Variants in RBPJ observed in about 807,000 individuals in gnomAD.
The protein encoded by RBPJ is recombining binding protein suppressor of hairless.
Under a neutral mutation model 67.8 loss-of-function variants are expected in RBPJ, and 9 were observed. That is an observed-to-expected ratio of 0.13 (90% confidence interval 0.08 to 0.23). RBPJ has a LOEUF of 0.23. Among genes scored for constraint, RBPJ ranks in the 10% least tolerant of loss-of-function variants. The pLI, the probability that RBPJ is intolerant of heterozygous loss-of-function variation, is 1.00. For synonymous variants in RBPJ, 198 were observed against 203.3 expected, an observed-to-expected ratio of 0.97 and a Z score of 0.22; for missense variants, 305 against 595.6, an observed-to-expected ratio of 0.51 and a Z score of 5.08.
At chr4:26,159,635 C>T (rs1716040789), upstream of RBPJ, among the ~76,000 whole-genome samples, 1 of 152,186 alleles carries the variant, frequency 6.6e-6, no homozygotes, top group Non-Finnish European at 1.5e-5. Flanking sequence ...GAACCTTCAG[C>T]GTGTTTATAG....
intron 1 of RBPJ, among the ~76,000 whole-genome samples, chr4:26,184,322 A>G (rs921474434): frequency 6.6e-6 from 1 of 152,044 alleles, no homozygotes; most frequent in African/African-American, 2.4e-5. Context: ...TACTGGGGAG[A>G]GAGACTGGAC....
chr4:26,375,545 T>C (rs1159736620), intron 1 of RBPJ, among the ~76,000 whole-genome samples: 1 of 152,198 alleles, frequency 6.6e-6, no homozygotes, highest in Non-Finnish European at 1.5e-5. Context: ...ATTACCATTC[T>C]CCCTCATTCC....
rs577200387 is a variant in RBPJ at position 26,263,925 on chromosome 4, A to C, written c.-166-98521A>C. Among the ~76,000 whole-genome samples, 27 of 148,412 alleles carry C rather than the reference A, an allele frequency of 1.8e-4. No homozygotes were observed. In the East Asian group the frequency reaches 3.1e-3, roughly 17 times the overall value. On this transcript the variant is annotated intron_variant, in intron 1 of 4. Transcript: ENST00000512351. Reference sequence around the variant, plus strand: ...AGTCTCGCTCTGTCCCCCAGGTTGGAGTGCAGCCGTGCGATCTCGGCTCAC... The same window carrying C: ...AGTCTCGCTCTGTCCCCCAGGTTGGCGTGCAGCCGTGCGATCTCGGCTCAC...
At chr4:26,109,460 C>CTCTCTATATA in the RBPJ span, among the ~76,000 whole-genome samples, 3 of 14,704 alleles carry the variant, frequency 2.0e-4, no homozygotes, top group Non-Finnish European at 1.2e-4. Flanking sequence ...CTCTCTCTCT[C>CTCTCTATATA]TATATATATA....
intron 1 of RBPJ, among the ~76,000 whole-genome samples, chr4:26,334,802 C>T (rs1363879714): frequency 6.6e-6 from 1 of 152,104 alleles, no homozygotes; most frequent in Non-Finnish European, 1.5e-5. Flanking sequence ...TATGTTATGT[C>T]TTTATTCTTG....
chr4:26,106,277 G>T, the RBPJ span, among the ~76,000 whole-genome samples: 11 of 152,116 alleles, frequency 7.2e-5, no homozygotes, highest in Admixed American at 7.2e-4. Context: ...CTAGATATTT[G>T]GATTCTACTA....
At chr4:26,132,167 A>T in the RBPJ span, among the ~76,000 whole-genome samples, 1 of 152,070 alleles carries the variant, frequency 6.6e-6, no homozygotes, top group Admixed American at 6.5e-5. Flanking sequence ...TCTAATTCAT[A>T]TGACCCAGTC....
chr4:26,313,233 A>T (rs1306105584), intron 1 of RBPJ, among the ~76,000 whole-genome samples: 1 of 152,164 alleles, frequency 6.6e-6, no homozygotes, highest in African/African-American at 2.4e-5. Flanking sequence ...CATAACTTCT[A>T]TTAGAAAATA....
At chr4:26,351,259 G>C (rs1285819936) in intron 1 of RBPJ, among the ~76,000 whole-genome samples, 1 of 152,148 alleles carries the variant, frequency 6.6e-6, no homozygotes, top group East Asian at 1.9e-4. Flanking sequence ...TAGATACCTA[G>C]AATATTGAGA....
intron 1 of RBPJ, among the ~76,000 whole-genome samples, chr4:26,339,605 G>A (rs768947865): frequency 6.6e-6 from 1 of 152,136 alleles, no homozygotes; most frequent in Non-Finnish European, 1.5e-5. Context: ...CTGCCCTCCA[G>A]CCTGGGTGAC....
chr4:26,256,745 T>C lies in RBPJ; in HGVS notation c.-167+93131T>C, dbSNP rs141163088. Among the ~76,000 whole-genome samples, 813 of 152,314 alleles carry C rather than the reference T, an allele frequency of 5.3e-3. 12 individuals are homozygous for C. The highest frequency in any genetic ancestry group is 0.018 in the African/African-American group (759 of 41,560). On this transcript the variant is annotated intron_variant, in intron 1 of 4. Transcript: ENST00000512351. ...TTGATTTTAAATGCACACTTACAAA[T>C]CGAGTTTGCAAAGTTTAAAACCACA...
rs1338431711 is a variant in RBPJ, at chr4:26,430,133, G to A, written c.1044+80G>A. The stretch of plus-strand genomic sequence containing the variant: ...TGACCTGGCATCATTTCATTTCATG[G>A]GAGTTTTGATTTTTCTCCAATCGTC... On this transcript the variant is annotated intron_variant, in intron 9 of 10. Coordinates refer to ENST00000355476, the MANE Select transcript of RBPJ (RefSeq NM_015874.6). This position sits in a 1 kb window ranked among gnomAD's most constrained non-coding sequence, Gnocchi z 4.1. The A allele has an allele frequency of 1.3e-6, 2 of 1,490,550 alleles. No homozygotes were observed. The highest frequency in any genetic ancestry group is 4.5e-5 in the East Asian group (2 of 44,302). 92.3% of individuals were successfully genotyped at this position (1,490,550 alleles called of 1,614,324 possible). A position where few individuals can be genotyped will look rare whatever the true frequency, so the allele number is the denominator to read the frequency against.
intron 1 of RBPJ, among the ~76,000 whole-genome samples, chr4:26,164,031 T>C (rs1716162594): frequency 6.6e-6 from 1 of 152,254 alleles, no homozygotes; most frequent in Non-Finnish European, 1.5e-5. Context: ...ATAGTCCCTC[T>C]AGGTATTTAA....
chr4:26,215,409 A>G (rs868035864), intron 1 of RBPJ, among the ~76,000 whole-genome samples: 497 of 11,062 alleles, frequency 0.045, 11 homozygotes, highest in East Asian at 0.077. Flanking sequence ...AAGGGGGGGG[A>G]AGGAAGGAAG....
At chr4:26,344,401 AT>A (rs1406186115) in intron 1 of RBPJ, among the ~76,000 whole-genome samples, 15 of 150,376 alleles carry the variant, frequency 1.0e-4, no homozygotes, top group Admixed American at 1.0e-3. Flanking sequence ...CGCCCGGCTA[AT>A]TTTTTTGTAT....
intron 1 of RBPJ, among the ~76,000 whole-genome samples, chr4:26,372,599 G>A (rs750006435): frequency 1.3e-5 from 2 of 152,066 alleles, no homozygotes; most frequent in Non-Finnish European, 2.9e-5. Flanking sequence ...CTTCCTAGGG[G>A]CCTTGTTCTT....
At chr4:26,375,361 C>T (rs1729614215) in intron 1 of RBPJ, among the ~76,000 whole-genome samples, 1 of 151,438 alleles carries the variant, frequency 6.6e-6, no homozygotes, top group African/African-American at 2.4e-5. Context: ...TAATATAATG[C>T]CTGCCCTCCA....
At chr4:26,285,983 C>T (rs770200556) in intron 1 of RBPJ, among the ~76,000 whole-genome samples, 2 of 152,104 alleles carry the variant, frequency 1.3e-5, no homozygotes, top group African/African-American at 2.4e-5. Context: ...GGCTTAGTGG[C>T]GTATGCCTGT....
chr4:26,332,838 A>C (rs1386272026), intron 1 of RBPJ, among the ~76,000 whole-genome samples: 2 of 152,056 alleles, frequency 1.3e-5, no homozygotes. Context: ...GTAGAGACGG[A>C]GTCTCTCACT....
Sources: allele counts gnomAD v4.1 joint callset (sites outside exome capture counted in the v4.1 genomes callset), GRCh38; gene constraint gnomAD v4.1.1; non-coding constraint Gnocchi (gnomAD v3.1); transcripts MANE v1.5; gene names NCBI Gene and HGNC (gene_info 2026-07-23, HGNC 2026-07-21).